Variants in INSC observed in about 807,000 individuals in gnomAD.
INSC encodes protein inscuteable homolog.
In INSC, 67 loss-of-function variants were observed where a neutral mutation model predicts 58.6. That is an observed-to-expected ratio of 1.14 (90% confidence interval 0.94 to 1.40). The LOEUF is 1.40. INSC is among the 40% of genes most tolerant of loss of function. The pLI, the probability that INSC is intolerant of heterozygous loss-of-function variation, is 0.00. For missense variants in INSC, 714 were observed against 692.0 expected (o/e 1.03, Z -0.36); for synonymous variants, 262 against 276.1 (o/e 0.95, Z 0.51).
At chr11:15,137,149 G>A (rs1848264639) in intron 1 of INSC, among the ~76,000 whole-genome samples, 1 of 152,036 alleles carries the variant, frequency 6.6e-6, no homozygotes, top group African/African-American at 2.4e-5. Flanking sequence ...TTTTTTTTCT[G>A]AGTGGTAGGT....
downstream of INSC, among the ~76,000 whole-genome samples, chr11:15,247,376 A>G (rs1383370243): frequency 1.3e-5 from 2 of 152,148 alleles, no homozygotes; most frequent in Non-Finnish European, 2.9e-5. Flanking sequence ...GTCAGTAGCT[A>G]GTAAGTGGTG....
the INSC span, among the ~76,000 whole-genome samples, chr11:15,265,435 T>C: frequency 6.6e-6 from 1 of 152,060 alleles, no homozygotes; most frequent in Non-Finnish European, 1.5e-5. Flanking sequence ...CTAGTGTTCT[T>C]TATGGGAAGA....
At chr11:15,242,113 A>T (rs1852378260) in intron 12 of INSC, among the ~76,000 whole-genome samples, 1 of 152,256 alleles carries the variant, frequency 6.6e-6, no homozygotes, top group Non-Finnish European at 1.5e-5. Context: ...TGCCTGTTCT[A>T]GCAAGTGAAG....
intron 12 of INSC, 143 bp from the exon 13 acceptor site, chr11:15,245,769 C>T (rs1214989278): frequency 1.9e-5 from 20 of 1,028,388 alleles, no homozygotes; most frequent in Non-Finnish European, 2.7e-5. Flanking sequence ...ACTGAGATGC[C>T]AAGTGGCTAA....
intron 1 of INSC, among the ~76,000 whole-genome samples, chr11:15,125,313 A>G (rs899922298): frequency 3.3e-5 from 5 of 152,200 alleles, no homozygotes; most frequent in Admixed American, 2.6e-4. Context: ...GTTGAGATCA[A>G]TGCAATAATG....
intron 7 of INSC, among the ~76,000 whole-genome samples, chr11:15,216,640 G>A (rs1474783401): frequency 6.6e-6 from 1 of 152,210 alleles, no homozygotes; most frequent in African/African-American, 2.4e-5. Flanking sequence ...AATCAAAACA[G>A]AAATCACTCC....
chr11:15,257,924 G>A, the INSC span, among the ~76,000 whole-genome samples: 3 of 152,058 alleles, frequency 2.0e-5, no homozygotes, highest in Admixed American at 6.6e-5. Context: ...CTTAGCTATG[G>A]CAACCCCAGG....
At position 15,225,751 on chromosome 11, in the gene INSC, C is replaced by T. The variant is rs376176241; in HGVS notation, c.1093C>T (p.Gln365Ter). 4.3e-6 allele frequency: 7 copies of T among 1,613,952 alleles called. No homozygotes were observed. The African/African-American group carries it at 8.0e-5, about 18-fold the overall frequency. ...CACAATGGCCTGCGAGATGCTCCTG[C>T]AGTTGAATGCCATCCGTGTTCTCCT... ...FDTMACEMLL[Q>*]LNAIRVLLEA... The change falls in exon 9 of 13, where the codon CAG becomes TAG. Residue 365 changes from glutamine (Q) to a stop codon, truncating the protein, a stop_gained. Coordinates refer to ENST00000379556, the MANE Select transcript of INSC (RefSeq NM_001042536.3). LOFTEE classifies it high-confidence loss of function.
chr11:15,236,078 A>G (rs915200761), intron 10 of INSC, among the ~76,000 whole-genome samples: 2 of 129,710 alleles, frequency 1.5e-5, no homozygotes, highest in Non-Finnish European at 3.3e-5. Context: ...AAAAAAAAAA[A>G]TAGGTACACG....
intron 2 of INSC, among the ~76,000 whole-genome samples, chr11:15,150,051 A>G (rs899387874): frequency 6.6e-6 from 1 of 152,184 alleles, no homozygotes; most frequent in Non-Finnish European, 1.5e-5. Flanking sequence ...TCTTTTTTTC[A>G]CAATGTCTTC....
At chr11:15,199,039 C>G (rs926924735) in intron 6 of INSC, among the ~76,000 whole-genome samples, 3 of 152,182 alleles carry the variant, frequency 2.0e-5, no homozygotes, top group Admixed American at 2.0e-4. Context: ...TCTTTTAACC[C>G]TGCACCCCCA....
intron 1 of INSC, among the ~76,000 whole-genome samples, chr11:15,120,003 G>A (rs996021439): frequency 2.6e-5 from 4 of 152,148 alleles, no homozygotes; most frequent in African/African-American, 9.7e-5. Context: ...GGCCTAATTG[G>A]CACAAGATCT....
downstream of INSC, among the ~76,000 whole-genome samples, chr11:15,251,188 C>T (rs150988433): frequency 2.2e-4 from 33 of 152,256 alleles, no homozygotes; most frequent in Non-Finnish European, 2.9e-4. Context: ...GTAAAAACTC[C>T]AACTAGACAT....
At chr11:15,158,224 C>T (rs1848885419) in intron 2 of INSC, among the ~76,000 whole-genome samples, 1 of 151,792 alleles carries the variant, frequency 6.6e-6, no homozygotes, top group South Asian at 2.1e-4. Context: ...CACTTCCCTG[C>T]TCTAAAATGC....
chr11:15,217,110 A>G (rs1851248677), intron 7 of INSC, among the ~76,000 whole-genome samples: 1 of 152,210 alleles, frequency 6.6e-6, no homozygotes, highest in Non-Finnish European at 1.5e-5. Flanking sequence ...TTTATAAAGG[A>G]AAGAGGTTTA....
chr11:15,254,252 G>T, the INSC span, among the ~76,000 whole-genome samples: 12 of 152,204 alleles, frequency 7.9e-5, no homozygotes, highest in African/African-American at 2.9e-4. Flanking sequence ...TAGGAAGAAA[G>T]TAGGGACTTA....
downstream of INSC, among the ~76,000 whole-genome samples, chr11:15,252,056 T>C (rs1852655796): frequency 6.6e-6 from 1 of 152,136 alleles, no homozygotes; most frequent in Non-Finnish European, 1.5e-5. Context: ...CAATAAAAAA[T>C]AAAGCATTGA....
chr11:15,222,491 C>G (rs1046100793), intron 8 of INSC, among the ~76,000 whole-genome samples: 1 of 152,094 alleles, frequency 6.6e-6, no homozygotes, highest in Non-Finnish European at 1.5e-5. Context: ...GAACATTGGG[C>G]AAGGAGTCAG....
chr11:15,212,737 A>G (rs543606489), intron 7 of INSC, among the ~76,000 whole-genome samples: 1 of 152,338 alleles, frequency 6.6e-6, no homozygotes, highest in Non-Finnish European at 1.5e-5. Context: ...TTAATAGTGT[A>G]TAGATTCATT....
Sources: gnomAD v4.1 joint callset for allele counts (sites outside exome capture counted in the v4.1 genomes callset) on GRCh38, gnomAD v4.1.1 for gene constraint, MANE v1.5 for transcripts, NCBI Gene and HGNC (gene_info 2026-07-23, HGNC 2026-07-21) for gene names.